SLC12A7: variants seen among roughly 807,000 people sequenced by gnomAD.
SLC12A7 encodes K-Cl cotransporter 4.
A neutral mutation model predicts 120.6 loss-of-function variants in SLC12A7; 100 were observed. The ratio of observed to expected loss-of-function variants is 0.83; its 90% CI spans 0.71 to 0.98. SLC12A7 has a LOEUF of 0.98. Ranked by LOEUF, SLC12A7 falls within the 50% of genes least tolerant of loss-of-function variation. The pLI, the probability that SLC12A7 is intolerant of heterozygous loss-of-function variation, is 0.00. For synonymous variants in SLC12A7, 760 were observed against 678.0 expected (o/e 1.12, Z -1.88); for missense variants, 1,373 against 1,548.1 (o/e 0.89, Z 1.90).
the SLC12A7 span, among the ~76,000 whole-genome samples, chr5:1,120,074 T>C: frequency 6.6e-6 from 1 of 152,336 alleles, no homozygotes; most frequent in South Asian, 2.1e-4. Context: ...CAGAGTGCAG[T>C]GGATCCCCCT....
At position 1,051,087 on chromosome 5, in the gene SLC12A7, C is replaced by T. The variant is rs919423129; in HGVS notation, c.*1273G>A. 15 of 396,526 alleles carry T rather than the reference C, an allele frequency of 3.8e-5. No homozygotes were observed. The highest frequency in any genetic ancestry group is 1.4e-4 in the South Asian group (1 of 7,086). The allele number at this position is 396,526 out of a possible 1,614,324, so 24.6% of individuals were successfully genotyped here. A position where few individuals can be genotyped will look rare whatever the true frequency, so the allele number is the denominator to read the frequency against. ...GCCACATAGAAAGGGAGGCCCAAGT[C>T]GGTGCCACTGCCCGCAGCCTGCAAA... On this transcript the variant is annotated 3_prime_UTR_variant, in exon 24 of 24. Transcript: ENST00000264930.
At chr5:1,127,511 G>A in the SLC12A7 span, among the ~76,000 whole-genome samples, 1 of 152,240 alleles carries the variant, frequency 6.6e-6, no homozygotes, top group Non-Finnish European at 1.5e-5. Context: ...CTGGACTTCA[G>A]ATTTCCTTTC....
chr5:1,151,374 T>C, the SLC12A7 span, among the ~76,000 whole-genome samples: 1 of 152,172 alleles, frequency 6.6e-6, no homozygotes, highest in African/African-American at 2.4e-5. This position sits in a 1 kb window ranked among gnomAD's most constrained non-coding sequence, Gnocchi z 6.2. Flanking sequence ...GTGGGCGCCG[T>C]TGCTAAGCTG....
At chr5:1,079,363 G>A in intron 10 of SLC12A7, 35 bp downstream of exon 10, 2 of 1,560,896 alleles carry the variant, frequency 1.3e-6, no homozygotes, top group Non-Finnish European at 1.8e-6. Context: ...CCCAGGCAGA[G>A]GCTGGAACCC....
At chr5:1,100,821 C>T (rs547686072) in intron 1 of SLC12A7, among the ~76,000 whole-genome samples, 1 of 152,362 alleles carries the variant, frequency 6.6e-6, no homozygotes, top group East Asian at 1.9e-4. Context: ...GAGAAACCGT[C>T]ACAGCCAAGA....
upstream of SLC12A7, among the ~76,000 whole-genome samples, chr5:1,114,049 C>T (rs1743219018): frequency 6.6e-6 from 1 of 152,248 alleles, no homozygotes; most frequent in Non-Finnish European, 1.5e-5. Flanking sequence ...TTCAGAGGAG[C>T]TGGTTTGGAG....
chr5:1,097,359 G>A (rs970504517), intron 1 of SLC12A7, among the ~76,000 whole-genome samples: 1 of 152,120 alleles, frequency 6.6e-6, no homozygotes, highest in Non-Finnish European at 1.5e-5. Context: ...AGCCCACTTG[G>A]GAAGATGGCA....
chr5:1,057,523 T>C lies in SLC12A7; in HGVS notation c.2974A>G (p.Arg992Gly). The C allele has an allele frequency of 1.2e-6, 2 of 1,613,438 alleles. No individual in the cohort carries two copies. The highest frequency in any genetic ancestry group is 1.7e-6 in the Non-Finnish European group (2 of 1,179,964). Residue 992 changes from arginine to glycine, a missense_variant, in exon 22 of 24, where the codon AGG becomes GGG. Physicochemically the swap from Arg to Gly is moderately radical, Grantham distance 125. Coordinates refer to ENST00000264930, the MANE Select transcript of SLC12A7 (RefSeq NM_006598.3). ...TREKLIAEKY[R>G]SRDTSLSGFK... ...CCAGATAGGCTGGTGTCTCTGCTCCTGTACTTCTCAGCGATCAGCTTCTCC... is the reference window on the plus strand; with the variant it reads ...CCAGATAGGCTGGTGTCTCTGCTCCCGTACTTCTCAGCGATCAGCTTCTCC...
At position 1,083,670 on chromosome 5, in the gene SLC12A7, C is replaced by T. The variant is rs576822892; in HGVS notation, c.1129+75G>A. 8.3e-4 allele frequency: 1,216 copies of T among 1,468,796 alleles called. 21 individuals carry two copies. In the South Asian group the frequency reaches 0.013, roughly 16 times the overall value. 91.0% of individuals were successfully genotyped at this position (1,468,796 alleles called of 1,614,324 possible). A position where few individuals can be genotyped will look rare whatever the true frequency, so the allele number is the denominator to read the frequency against. ...TGGGGCCCTGAGAGTGACTCTAAGGCGAGAGCAGCCACCAGGGCCAGCGCC... is the reference window on the plus strand; with the variant it reads ...TGGGGCCCTGAGAGTGACTCTAAGGTGAGAGCAGCCACCAGGGCCAGCGCC... On this transcript the variant is annotated intron_variant, in intron 8 of 23. Coordinates refer to ENST00000264930, the MANE Select transcript of SLC12A7 (RefSeq NM_006598.3).
In SLC12A7 at chr5:1,077,704, C is replaced by T. The variant is rs1466915319; in HGVS notation, c.1629+129G>A. ...CCATGCTCTGTGCAGTGGCCAGGGGCAGAATGACCACCATGGGGTCCAAGC... is the reference window on the plus strand; with the variant it reads ...CCATGCTCTGTGCAGTGGCCAGGGGTAGAATGACCACCATGGGGTCCAAGC... On this transcript the variant is annotated intron_variant, in intron 12 of 23. Coordinates refer to ENST00000264930, the MANE Select transcript of SLC12A7 (RefSeq NM_006598.3). The T allele has an allele frequency of 4.1e-6, 4 of 974,136 alleles. No individual in the cohort carries two copies. The African/African-American group carries it at 6.7e-5, about 16-fold the overall frequency. The allele number at this position is 974,136 out of a possible 1,614,324, so 60.3% of individuals were successfully genotyped here.
intron 17 of SLC12A7, among the ~76,000 whole-genome samples, chr5:1,069,631 C>T (rs1737435487): frequency 6.6e-6 from 1 of 152,200 alleles, no homozygotes; most frequent in Non-Finnish European, 1.5e-5. Flanking sequence ...CCAGCCCTGC[C>T]TGGGAATGAG....
chr5:1,095,739 CCTGG>C (rs1741067820), intron 1 of SLC12A7, among the ~76,000 whole-genome samples: 1 of 152,228 alleles, frequency 6.6e-6, no homozygotes, highest in Non-Finnish European at 1.5e-5. Flanking sequence ...TGGCGGCCAC[CCTGG>C]CTGGCTGACA....
chr5:1,098,776 GCTCA>G (rs1741666095), intron 1 of SLC12A7, among the ~76,000 whole-genome samples: 1 of 109,476 alleles, frequency 9.1e-6, no homozygotes, highest in African/African-American at 3.2e-5. Context: ...CTAACCCTCT[GCTCA>G]CCCAGCCACC....
chr5:1,154,059 C>T, the SLC12A7 span, among the ~76,000 whole-genome samples: 1 of 152,022 alleles, frequency 6.6e-6, no homozygotes, highest in Non-Finnish European at 1.5e-5. Flanking sequence ...CAACCCTAAC[C>T]CTAACCGAGA....
chr5:1,104,965 AG>A (rs529279917), intron 1 of SLC12A7, among the ~76,000 whole-genome samples: 6 of 124,598 alleles, frequency 4.8e-5, no homozygotes, highest in African/African-American at 1.5e-4. Flanking sequence ...ACCAGCCAAA[AG>A]GGACCCTCCC....
At chr5:1,115,870 G>A (rs1046286296), upstream of SLC12A7, among the ~76,000 whole-genome samples, 1 of 139,364 alleles carries the variant, frequency 7.2e-6, no homozygotes, top group Admixed American at 7.2e-5. Flanking sequence ...GGAAAGAGGT[G>A]GGAAGGGAGG....
the SLC12A7 span, among the ~76,000 whole-genome samples, chr5:1,138,915 A>G: frequency 6.6e-6 from 1 of 152,196 alleles, no homozygotes; most frequent in Non-Finnish European, 1.5e-5. Flanking sequence ...GGGTCCTAAC[A>G]TGTGCCCTGA....
intron 17 of SLC12A7, among the ~76,000 whole-genome samples, chr5:1,066,187 GC>G (rs1479581806): frequency 1.3e-5 from 2 of 152,176 alleles, no homozygotes; most frequent in African/African-American, 4.8e-5. Flanking sequence ...GGTACCAGTG[GC>G]CCCTTCCCAC....
rs1373466503 is a variant in SLC12A7 at position 1,081,526 on chromosome 5, A to G, written c.1297+51T>C. The stretch of plus-strand genomic sequence containing the variant: ...GACAGAGCAAGACCTTGCCTCAAAA[A>G]AGAGAGGGAGAGAAAGAAAGAGAAG... On this transcript the variant is annotated intron_variant, in intron 9 of 23. Coordinates refer to ENST00000264930, the MANE Select transcript of SLC12A7 (RefSeq NM_006598.3). 1.9e-6 allele frequency: 3 copies of G among 1,566,494 alleles called. No homozygotes were observed. The African/African-American group carries it at 4.1e-5, about 21-fold the overall frequency.
Sources: gnomAD v4.1 joint callset for allele counts (sites outside exome capture counted in the v4.1 genomes callset) on GRCh38, gnomAD v4.1.1 for gene constraint, Gnocchi (gnomAD v3.1) non-coding constraint, MANE v1.5 for transcripts, NCBI Gene and HGNC (gene_info 2026-07-23, HGNC 2026-07-21) for gene names.